PI4KA: variants seen among roughly 807,000 people sequenced by gnomAD.
The protein encoded by PI4KA is PI4-kinase alpha.
A neutral mutation model predicts 271.4 loss-of-function variants in PI4KA; 122 were observed. That is an observed-to-expected ratio of 0.45 (90% CI 0.39 to 0.52). PI4KA has a LOEUF of 0.52. PI4KA is among the 20% of genes least tolerant of loss of function. PI4KA has a pLI of 0.00. For synonymous variants in PI4KA, 1,041 were observed against 1,078.8 expected (o/e 0.96, Z 0.69); for missense variants, 1,969 against 2,769.1 (o/e 0.71, Z 6.48).
At chr22:20,764,796 T>C (rs1224677533) in intron 22 of PI4KA, 21 bp downstream of exon 22, 2 of 1,594,714 alleles carry the variant, frequency 1.3e-6, no homozygotes, top group South Asian at 1.1e-5. Flanking sequence ...TGCATGTGCA[T>C]GGTGGTGAAG....
intron 29 of PI4KA, among the ~76,000 whole-genome samples, chr22:20,746,353 T>C (rs1019207710): frequency 6.6e-5 from 10 of 152,048 alleles, no homozygotes; most frequent in Non-Finnish European, 1.3e-4. Flanking sequence ...TGAGCCACCG[T>C]GCCTGGCCCC....
At chr22:20,734,759 C>T (rs539040347) in intron 32 of PI4KA, 22 of 799,814 alleles carry the variant, frequency 2.8e-5, no homozygotes, top group Middle Eastern at 7.4e-4. Context: ...TCCAGCCTCT[C>T]GAGGCTGCCT....
chr22:20,818,550 C>T lies in PI4KA; in HGVS notation c.790-1G>A, dbSNP rs774078909. 3 of 1,536,292 alleles carry T rather than the reference C, an allele frequency of 2.0e-6. No homozygotes were observed. The highest frequency in any genetic ancestry group is 2.6e-6 in the Non-Finnish European group (3 of 1,151,380). ...GGGGCATGCCGCGTTCAGGGCTGAC[C>T]TGAAACACACAACCACAGTTACATA... On this transcript the variant is annotated splice_acceptor_variant, in intron 6 of 54. Coordinates refer to ENST00000255882, the MANE Select transcript of PI4KA (RefSeq NM_058004.4). LOFTEE classifies it high-confidence loss of function.
intron 32 of PI4KA, among the ~76,000 whole-genome samples, chr22:20,741,724 T>C (rs1601382850): frequency 1.3e-5 from 2 of 152,200 alleles, no homozygotes; most frequent in Non-Finnish European, 2.9e-5. Context: ...CATGTCAAAT[T>C]CCCTGCTACC....
rs1929538176 is a variant in PI4KA at position 20,742,214 on chromosome 22, G to C, written c.3741+14C>G. ...CATCCCATCCTCACTGCCAACCCGA[G>C]GTCAGGGTCCTACCGGCACTTCCAC... On this transcript the variant is annotated intron_variant, in intron 32 of 54. Transcript: ENST00000255882. The C allele has an allele frequency of 6.2e-7, 1 of 1,613,130 alleles. No homozygotes were observed. The highest frequency in any genetic ancestry group is 1.3e-5 in the African/African-American group (1 of 74,994).
At chr22:20,754,348 A>C (rs935234611) in intron 23 of PI4KA, among the ~76,000 whole-genome samples, 1 of 152,054 alleles carries the variant, frequency 6.6e-6, no homozygotes. Flanking sequence ...TCGGCCTCCT[A>C]AAGTGCTAGG....
chr22:20,779,913 C>T (rs754401544), intron 19 of PI4KA: 13 of 1,614,120 alleles, frequency 8.1e-6, no homozygotes. Flanking sequence ...CATTCATAAT[C>T]TCTTCCGTAA....
chr22:20,761,475 G>A, intron 22 of PI4KA, 89 bp from the exon 23 acceptor site: 1 of 802,606 alleles, frequency 1.2e-6, no homozygotes, highest in East Asian at 2.5e-5. Flanking sequence ...GTAAGGATGT[G>A]AAGAACATTT....
At chr22:20,833,957 C>G (rs1021787834) in intron 3 of PI4KA, among the ~76,000 whole-genome samples, 1 of 151,944 alleles carries the variant, frequency 6.6e-6, no homozygotes, top group Non-Finnish European at 1.5e-5. Flanking sequence ...CACGCCCGGC[C>G]GACCCAGACT....
intron 19 of PI4KA, chr22:20,779,964 C>A: frequency 6.2e-7 from 1 of 1,614,216 alleles, no homozygotes. Context: ...TGGGTACACA[C>A]TGCGGTCAGT....
rs199651819 is a variant in PI4KA at position 20,803,311 on chromosome 22, G to A, written c.1471C>T (p.Arg491Cys). The change falls in exon 13 of 55, where the codon CGC (arginine) becomes TGC (cysteine). Residue 491 changes from arginine (R) to cysteine (C), a missense_variant. Physicochemically the swap from Arg to Cys is radical, Grantham distance 180 (BLOSUM62 -3). This residue lies in a region of PI4KA where 228 missense variants were observed against 261.6 expected (regional missense o/e 0.87). Coordinates refer to ENST00000255882, the MANE Select transcript of PI4KA (RefSeq NM_058004.4). ...ACCACCGGGAACCTCTCGCACAGGCGGCCCAAACCCTGCAACACACCATCA... is the reference window on the plus strand; with the variant it reads ...ACCACCGGGAACCTCTCGCACAGGCAGCCCAAACCCTGCAACACACCATCA... ...LLICCLQGLG[R>C]LCERFPVVVH... is the part of the protein sequence containing the mutation. 17 of 1,613,878 alleles carry A rather than the reference G, an allele frequency of 1.1e-5. No individual in the cohort carries two copies. Among genetic ancestry groups the A allele is most frequent in the African/African-American group, 8.0e-5 (6 of 74,972 alleles).
chr22:20,854,865 A>T (rs1239131119), intron 1 of PI4KA, among the ~76,000 whole-genome samples: 1 of 152,164 alleles, frequency 6.6e-6, no homozygotes, highest in African/African-American at 2.4e-5. Flanking sequence ...AAGAACAAGA[A>T]ACTTGGCCGG....
chr22:20,731,989 G>A (rs5760228), intron 36 of PI4KA, among the ~76,000 whole-genome samples: 56,699 of 149,048 alleles, frequency 0.38, 10,899 homozygotes, highest in Admixed American at 0.46. Flanking sequence ...TGGCTAACAC[G>A]GTGAAACCCC....
At chr22:20,791,467 C>T (rs573439843) in intron 19 of PI4KA, among the ~76,000 whole-genome samples, 2 of 151,992 alleles carry the variant, frequency 1.3e-5, no homozygotes, top group East Asian at 3.9e-4. Context: ...GAAAAATCAA[C>T]CAATGGGGCC....
intron 3 of PI4KA, among the ~76,000 whole-genome samples, chr22:20,829,803 C>G (rs991288700): frequency 1.1e-4 from 16 of 152,128 alleles, no homozygotes; most frequent in Non-Finnish European, 2.4e-4. Flanking sequence ...ATAAACTTCC[C>G]TCTTAATTCT....
rs375603435 is a variant in PI4KA at position 20,732,382 on chromosome 22, G to A, written c.4288+589C>T. The stretch of plus-strand genomic sequence containing the variant: ...GAGAACAGGGCATGGCCTCCTTACA[G>A]AGGTTTGCTGCTTCTTTGCGTGGCA... On this transcript the variant is annotated intron_variant, in intron 36 of 54. Coordinates refer to ENST00000255882, the MANE Select transcript of PI4KA (RefSeq NM_058004.4). 1.1e-4 allele frequency among the ~76,000 whole-genome samples: 16 copies of A among 152,214 alleles called. No homozygotes were observed. In the South Asian group the frequency reaches 2.9e-3, roughly 28 times the overall value.
intron 6 of PI4KA, 67 bp downstream of exon 6, chr22:20,819,574 A>G (rs1456391859): frequency 7.0e-7 from 1 of 1,437,394 alleles, no homozygotes; most frequent in Non-Finnish European, 9.5e-7. Flanking sequence ...AAGAAGAGGG[A>G]TTTTCTTCGC....
At chr22:20,758,947 C>T (rs1485035543) in intron 23 of PI4KA, among the ~76,000 whole-genome samples, 1 of 152,228 alleles carries the variant, frequency 6.6e-6, no homozygotes, top group Admixed American at 6.5e-5. Context: ...AATTCATGCA[C>T]CTGACTTCCT....
chr22:20,746,010 T>C (rs1471299918), intron 29 of PI4KA, among the ~76,000 whole-genome samples: 2 of 149,376 alleles, frequency 1.3e-5, no homozygotes, highest in Admixed American at 1.3e-4. Context: ...GGCTAATTTT[T>C]GTATTTTTAC....
Sources: allele counts gnomAD v4.1 joint callset (sites outside exome capture counted in the v4.1 genomes callset), GRCh38; gene constraint gnomAD v4.1.1; regional missense constraint gnomAD v4.1.1; transcripts MANE v1.5; gene names NCBI Gene and HGNC (gene_info 2026-07-23, HGNC 2026-07-21).